Variants in PFKFB1 observed in about 807,000 individuals in gnomAD.
PFKFB1 encodes the protein 6-phosphofructo-2-kinase/fructose-2,6-biphosphatase 1.
PFKFB1 carries 34 observed loss-of-function variants against 46.4 expected under a neutral mutation model. That is an observed-to-expected ratio of 0.73 (90% CI 0.56 to 0.98). PFKFB1 has a LOEUF of 0.98. PFKFB1 is among the 50% of genes least tolerant of loss of function. The pLI, the probability that PFKFB1 is intolerant of heterozygous loss-of-function variation, is 0.00. For missense variants in PFKFB1, 393 were observed against 376.3 expected (o/e 1.04, Z -0.37); for synonymous variants, 119 against 133.8 (o/e 0.89, Z 0.76).
intron 1 of PFKFB1, among the ~76,000 whole-genome samples, chrX:54,966,095 T>C (rs948657857): frequency 6.3e-5 from 7 of 111,994 alleles, no homozygotes; most frequent in Non-Finnish European, 1.3e-4. Context: ...TCTAAGTATA[T>C]TGACAATCAC....
chrX:54,966,332 GTT>G (rs1018209583), intron 1 of PFKFB1, among the ~76,000 whole-genome samples: 29 of 112,037 alleles, frequency 2.6e-4, no homozygotes, highest in Non-Finnish European at 9.4e-5. Flanking sequence ...AGACACCAGA[GTT>G]TGAAGTACCA....
intron 1 of PFKFB1, among the ~76,000 whole-genome samples, chrX:54,977,037 A>G (rs1934856754): frequency 9.1e-6 from 1 of 110,400 alleles, no homozygotes; most frequent in African/African-American, 3.3e-5. Context: ...GGGTGATGGA[A>G]TTGTTCTATA....
At chrX:54,972,473 G>C (rs767344631) in intron 1 of PFKFB1, among the ~76,000 whole-genome samples, 5 of 110,696 alleles carry the variant, frequency 4.5e-5, no homozygotes, top group African/African-American at 1.6e-4. Flanking sequence ...TTGGCTGTGG[G>C]TTTGTCATAG....
chrX:54,936,378 TG>T (rs1179357099), intron 11 of PFKFB1, among the ~76,000 whole-genome samples: 3 of 32,819 alleles, frequency 9.1e-5, no homozygotes, highest in African/African-American at 1.7e-4. Flanking sequence ...ATGGGGTGGG[TG>T]GGGGGGTGAG....
chrX:54,956,522 C>G (rs112699713), intron 6 of PFKFB1, among the ~76,000 whole-genome samples: 5,065 of 111,511 alleles, frequency 0.045, 305 homozygotes, highest in African/African-American at 0.16. Context: ...AGAATACACT[C>G]CTTATAAAAG....
intron 1 of PFKFB1, among the ~76,000 whole-genome samples, chrX:54,972,321 A>G (rs1279144709): frequency 4.6e-5 from 5 of 108,642 alleles, no homozygotes; most frequent in Non-Finnish European, 9.6e-5. Flanking sequence ...CTAATTGAAT[A>G]CCCTTTATTT....
At chrX:54,978,576 G>T (rs1359441768) in intron 1 of PFKFB1, among the ~76,000 whole-genome samples, 1 of 111,481 alleles carries the variant, frequency 9.0e-6, no homozygotes, top group Non-Finnish European at 1.9e-5. Context: ...CCTCTAGGGG[G>T]TGGCATTTAA....
At chrX:54,951,356 C>G (rs753021821) in intron 8 of PFKFB1, among the ~76,000 whole-genome samples, 1 of 111,947 alleles carries the variant, frequency 8.9e-6, no homozygotes, top group East Asian at 2.8e-4. Context: ...CTTCCTGGAG[C>G]AGGTGCTGGG....
chrX:54,942,473 T>A (rs750377538), intron 10 of PFKFB1, among the ~76,000 whole-genome samples: 26 of 111,835 alleles, frequency 2.3e-4, no homozygotes, highest in African/African-American at 8.4e-4. Flanking sequence ...TCCATTTGGT[T>A]TGAAGAATGT....
intron 11 of PFKFB1, among the ~76,000 whole-genome samples, chrX:54,936,727 G>C (rs754892725): frequency 8.9e-6 from 1 of 112,067 alleles, no homozygotes; most frequent in South Asian, 3.7e-4. Context: ...ACCAGGCAGA[G>C]GAAATTCCTT....
At chrX:54,986,549 G>A (rs954307115) in intron 1 of PFKFB1, among the ~76,000 whole-genome samples, 2 of 111,625 alleles carry the variant, frequency 1.8e-5, no homozygotes, top group African/African-American at 6.5e-5. Flanking sequence ...AAGCAAAACT[G>A]GCAGAATTGA....
chrX:54,965,320 G>A (rs184296220), intron 1 of PFKFB1, among the ~76,000 whole-genome samples: 23 of 111,274 alleles, frequency 2.1e-4, no homozygotes, highest in African/African-American at 7.2e-4. Context: ...CGGTAGGTGG[G>A]GAACATCTTA....
At position 54,945,538 on chromosome X, in the gene PFKFB1, G is replaced by A. The variant is rs771876882; in HGVS notation, c.999C>T (p.Val333=). 11 of 1,137,734 alleles carry A rather than the reference G, an allele frequency of 9.7e-6. No homozygotes were observed. In the African/African-American group the frequency reaches 2.0e-4, roughly 20 times the overall value. The allele number at this position is 1,137,734 out of a possible 1,213,427, so 93.8% of individuals were successfully genotyped here. ...TTTCTTCATAGGTCATCTCCTCACA[G>A]ACACCCTGAGAAAAAGTATTTGGGG... The part of the protein sequence containing the change: ...WKALNEIDAG[V]CEEMTYEEIQ... The change falls in exon 10 of 14, where the codon GTC becomes GTT. Residue 333 remains valine, a synonymous_variant. Transcript: ENST00000375006.
At chrX:54,944,887 A>G (rs933779715) in intron 10 of PFKFB1, among the ~76,000 whole-genome samples, 2 of 112,396 alleles carry the variant, frequency 1.8e-5, no homozygotes, top group African/African-American at 6.5e-5. Flanking sequence ...CCAGCCATTT[A>G]TATCAGAAAT....
At chrX:54,975,153 C>A (rs372567504) in intron 1 of PFKFB1, among the ~76,000 whole-genome samples, 1 of 111,190 alleles carries the variant, frequency 9.0e-6, no homozygotes, top group African/African-American at 3.3e-5. Context: ...CATGTGCACA[C>A]GCATGTTTAT....
intron 12 of PFKFB1, 59 bp from the exon 13 acceptor site, chrX:54,933,944 G>A: frequency 1.1e-6 from 1 of 935,183 alleles, no homozygotes; most frequent in East Asian, 3.1e-5. Flanking sequence ...GGTCTTCCCT[G>A]AGGTATCACC....
At chrX:54,985,393 T>G (rs1935089632) in intron 1 of PFKFB1, among the ~76,000 whole-genome samples, 1 of 111,573 alleles carries the variant, frequency 9.0e-6, no homozygotes, top group African/African-American at 3.3e-5. Flanking sequence ...AATACCCCCA[T>G]GTGGGCTGAC....
chrX:54,963,523 T>G, intron 1 of PFKFB1, 141 bp from the exon 2 acceptor site: 1 of 599,461 alleles, frequency 1.7e-6, no homozygotes, highest in Non-Finnish European at 2.5e-6. Context: ...AATTAAGAAC[T>G]TCTCTCAGAC....
chrX:54,940,745 T>C (rs1222562391), intron 10 of PFKFB1, among the ~76,000 whole-genome samples: 1 of 111,064 alleles, frequency 9.0e-6, no homozygotes, highest in African/African-American at 3.3e-5. Flanking sequence ...TAAAAGAGGA[T>C]ACAAACAAAT....
Sources: gnomAD v4.1 joint callset for allele counts (sites outside exome capture counted in the v4.1 genomes callset) on GRCh38, gnomAD v4.1.1 for gene constraint, MANE v1.5 for transcripts, NCBI Gene and HGNC (gene_info 2026-07-23, HGNC 2026-07-21) for gene names.